LIPC: variants seen among roughly 807,000 people sequenced by gnomAD.
LIPC encodes the protein lipase C, hepatic type.
In LIPC, 44 loss-of-function variants were observed where a neutral mutation model predicts 50.7. The observed-to-expected ratio is 0.87, with a 90% CI of 0.68 to 1.11. The LOEUF (loss-of-function observed/expected upper bound fraction) is 1.11. LIPC is among the 50% of genes most tolerant of loss of function. The pLI, the probability that LIPC is intolerant of heterozygous loss-of-function variation, is 0.00. For missense variants in LIPC, 697 were observed against 648.2 expected, an observed-to-expected ratio of 1.08 and a Z score of -0.82; for synonymous variants, 271 against 256.4, an observed-to-expected ratio of 1.06 and a Z score of -0.54.
chr15:58,538,321 C>A lies in LIPC; in HGVS notation c.89-12C>A. ...TGCCAGGCTAAGCACCGTCCCCAAT[C>A]TTATATTGCAGAGCCATTTGGAAGA... On this transcript the variant is annotated splice_polypyrimidine_tract_variant and intron_variant, in intron 1 of 8. Transcript: ENST00000299022. 1 of 1,613,976 alleles carries A rather than the reference C, an allele frequency of 6.2e-7. No homozygotes were observed.
chr15:58,490,249 G>A (rs1439681338), intron 1 of LIPC, among the ~76,000 whole-genome samples: 10 of 152,178 alleles, frequency 6.6e-5, no homozygotes, highest in African/African-American at 2.4e-4. Context: ...CAGGGGAGAT[G>A]CCCTAGAGCC....
chr15:58,509,837 T>G (rs1271766631), intron 1 of LIPC, among the ~76,000 whole-genome samples: 1 of 152,194 alleles, frequency 6.6e-6, no homozygotes, highest in Non-Finnish European at 1.5e-5. Flanking sequence ...ATGATAGGAA[T>G]GCTGTCAATG....
intron 3 of LIPC, among the ~76,000 whole-genome samples, 176 bp from the exon 4 acceptor site, chr15:58,542,358 C>G (rs1893360353): frequency 6.6e-6 from 1 of 152,128 alleles, no homozygotes; most frequent in South Asian, 2.1e-4. Context: ...GTCACAGGTA[C>G]CTGAGTCCCA....
chr15:58,545,084 CA>C (rs1893475685), intron 4 of LIPC, among the ~76,000 whole-genome samples: 1 of 152,114 alleles, frequency 6.6e-6, no homozygotes, highest in African/African-American at 2.4e-5. Context: ...AACATACAGG[CA>C]AATAAATTTC....
At chr15:58,482,647 G>T (rs1566923807) in intron 1 of LIPC, among the ~76,000 whole-genome samples, 1 of 152,158 alleles carries the variant, frequency 6.6e-6, no homozygotes, top group Non-Finnish European at 1.5e-5. Flanking sequence ...TCCTCACTGA[G>T]CAGTGTTCCT....
chr15:58,472,281 A>T (rs1246340615), intron 1 of LIPC, among the ~76,000 whole-genome samples: 1 of 150,508 alleles, frequency 6.6e-6, no homozygotes, highest in Non-Finnish European at 1.5e-5. Context: ...AAAAAAAAAA[A>T]AAAAAAAAAA....
chr15:58,545,060 G>A (rs551644444), intron 4 of LIPC, among the ~76,000 whole-genome samples: 1 of 152,232 alleles, frequency 6.6e-6, no homozygotes, highest in South Asian at 2.1e-4. Context: ...AGCTTGTTTA[G>A]GGAAATTATT....
chr15:58,441,005 G>C (rs1407727259), intron 1 of LIPC, among the ~76,000 whole-genome samples: 2 of 152,002 alleles, frequency 1.3e-5, no homozygotes, highest in Admixed American at 1.3e-4. Context: ...CCACTGATGA[G>C]GGGGGTTGTT....
intron 1 of LIPC, chr15:58,437,014 C>T: frequency 2.6e-6 from 1 of 377,676 alleles, no homozygotes; most frequent in Non-Finnish European, 5.2e-6. Flanking sequence ...GTGCAAACCA[C>T]TGAAGTTGGG....
At chr15:58,563,896 G>T (rs1348809324) in intron 8 of LIPC, 173 bp downstream of exon 8, 13 of 672,284 alleles carry the variant, frequency 1.9e-5, no homozygotes, top group African/African-American at 3.5e-5. Context: ...ACAGCCACAG[G>T]TGCCAGGACA....
intron 1 of LIPC, among the ~76,000 whole-genome samples, chr15:58,449,077 C>G (rs592118): frequency 0.34 from 52,330 of 151,956 alleles, 12,660 homozygotes; most frequent in East Asian, 0.66. Flanking sequence ...GGCTCAAACA[C>G]AGGTGGGAGC....
chr15:58,563,768 C>T (rs552690483), intron 8 of LIPC, 45 bp downstream of exon 8: 2 of 1,495,566 alleles, frequency 1.3e-6, no homozygotes, highest in African/African-American at 2.8e-5. Context: ...TAAGCACCCA[C>T]TTGTGCCAGG....
chr15:58,557,761 A>T (rs1372312469), intron 6 of LIPC, among the ~76,000 whole-genome samples: 1 of 152,092 alleles, frequency 6.6e-6, no homozygotes. Context: ...ATCATATTAA[A>T]CTGAATTGAA....
At chr15:58,487,467 A>T (rs1415127532) in intron 1 of LIPC, among the ~76,000 whole-genome samples, 4 of 152,234 alleles carry the variant, frequency 2.6e-5, no homozygotes, top group African/African-American at 9.6e-5. Context: ...CTGTGTAGCT[A>T]ATCTGGGCAT....
intron 3 of LIPC, among the ~76,000 whole-genome samples, chr15:58,542,315 C>T (rs1400598880): frequency 3.3e-5 from 5 of 152,206 alleles, no homozygotes; most frequent in African/African-American, 9.7e-5. Context: ...CAGGGGAAGA[C>T]AGGCAGGCAG....
At chr15:58,547,864 G>A (rs905798150) in intron 5 of LIPC, among the ~76,000 whole-genome samples, 13 of 152,050 alleles carry the variant, frequency 8.5e-5, no homozygotes, top group African/African-American at 2.2e-4. Flanking sequence ...GGATTGTCTC[G>A]TGTATCTAGT....
intron 1 of LIPC, among the ~76,000 whole-genome samples, chr15:58,519,082 G>T (rs565563673): frequency 6.6e-6 from 1 of 152,142 alleles, no homozygotes; most frequent in Non-Finnish European, 1.5e-5. Flanking sequence ...TACAGGAAGT[G>T]CACAATAAGT....
intron 1 of LIPC, among the ~76,000 whole-genome samples, chr15:58,507,318 A>AAAATGGAGGG (rs746493300): frequency 5.1e-4 from 78 of 152,128 alleles, no homozygotes; most frequent in Non-Finnish European, 5.7e-4. Context: ...AAGGAAGAAA[A>AAAATGGAGGG]AAATGGAGGG....
intron 1 of LIPC, among the ~76,000 whole-genome samples, chr15:58,493,442 A>G (rs1201554170): frequency 6.6e-6 from 1 of 152,046 alleles, no homozygotes; most frequent in African/African-American, 2.4e-5. Flanking sequence ...CACTATGCAC[A>G]CATTAGATCC....
Sources: allele counts gnomAD v4.1 joint callset (sites outside exome capture counted in the v4.1 genomes callset), GRCh38; gene constraint gnomAD v4.1.1; transcripts MANE v1.5; gene names NCBI Gene and HGNC (gene_info 2026-07-23, HGNC 2026-07-21).